The following PARD3 variants were observed in gnomAD, a reference collection of about 807,000 sequenced individuals.
The protein encoded by PARD3 is partitioning defective 3 homolog.
Under a neutral mutation model 155.4 loss-of-function variants are expected in PARD3, and 75 were observed. That is an observed-to-expected ratio of 0.48 (90% CI 0.40 to 0.58). The LOEUF (loss-of-function observed/expected upper bound fraction) is 0.58, where lower values mean the gene tolerates loss of function less well. PARD3 is among the 20% of genes least tolerant of loss of function. The probability of loss-of-function intolerance (pLI) is 0.00; values close to 1 mark genes in which losing one functional copy is unlikely to be tolerated. For synonymous variants in PARD3, 576 were observed against 610.5 expected (o/e 0.94, Z 0.83); for missense variants, 1,642 against 1,721.7 (o/e 0.95, Z 0.82).
At chr10:34,154,108 C>T (rs1388839318) in intron 22 of PARD3, among the ~76,000 whole-genome samples, 1 of 152,114 alleles carries the variant, frequency 6.6e-6, no homozygotes, top group Non-Finnish European at 1.5e-5. Context: ...AAAACTTGTT[C>T]TCCAGTAATG....
chr10:34,214,634 T>C (rs1951912692), intron 22 of PARD3, among the ~76,000 whole-genome samples: 1 of 152,060 alleles, frequency 6.6e-6, no homozygotes, highest in Non-Finnish European at 1.5e-5. Flanking sequence ...CTGGGCAATG[T>C]AGCAAGACTC....
At chr10:34,212,489 C>G (rs574826075) in intron 22 of PARD3, among the ~76,000 whole-genome samples, 16 of 152,312 alleles carry the variant, frequency 1.1e-4, no homozygotes, top group South Asian at 1.0e-3. Flanking sequence ...TCTGAATACT[C>G]TGCTAGGCTA....
At position 34,582,508 on chromosome 10, in the gene PARD3, G is replaced by C. The variant is rs137983856; in HGVS notation, c.223-65349C>G. ...GCCACTTGTCCACAAATCACTTCAG[G>C]TATCGCTTTTATTGGTCTAAATGAA... On this transcript the variant is annotated intron_variant, in intron 2 of 24. Transcript: ENST00000374788. 3.7e-4 allele frequency among the ~76,000 whole-genome samples: 57 copies of C among 152,224 alleles called. No homozygotes were observed. The East Asian group carries it at 8.9e-3, about 24-fold the overall frequency.
intron 5 of PARD3, among the ~76,000 whole-genome samples, chr10:34,445,333 T>C (rs530282019): frequency 6.6e-6 from 1 of 152,364 alleles, no homozygotes; most frequent in South Asian, 2.1e-4. Flanking sequence ...AGAGGGAGTT[T>C]TGTTTTGTTT....
chr10:34,208,218 C>T (rs570853032), intron 22 of PARD3, among the ~76,000 whole-genome samples: 16 of 152,286 alleles, frequency 1.1e-4, no homozygotes, highest in East Asian at 9.7e-4. Flanking sequence ...ATCAGGTTGT[C>T]ATGAACTACT....
intron 2 of PARD3, among the ~76,000 whole-genome samples, chr10:34,665,640 C>T (rs906634285): frequency 2.6e-5 from 4 of 152,150 alleles, no homozygotes; most frequent in Admixed American, 2.6e-4. Flanking sequence ...GGGTTCCAGA[C>T]CAGCCTGGCC....
chr10:34,154,222 G>A (rs1285316000), intron 22 of PARD3, among the ~76,000 whole-genome samples: 9 of 152,248 alleles, frequency 5.9e-5, no homozygotes, highest in South Asian at 4.1e-4. Context: ...CATGTGTATC[G>A]TGGTGAGGAT....
chr10:34,413,447 CTTT>C (rs11284199), intron 5 of PARD3, among the ~76,000 whole-genome samples: 1 of 144,130 alleles, frequency 6.9e-6, no homozygotes, highest in African/African-American at 2.5e-5. Context: ...CCAGCTCTAC[CTTT>C]TTTTTTTTTT....
rs921596433 is a variant in PARD3 at position 34,756,355 on chromosome 10, G to A, written c.120+58521C>T. Among the ~76,000 whole-genome samples the A allele has an allele frequency of 1.0e-4, 15 of 149,634 alleles. No homozygotes were observed. In the South Asian group the frequency reaches 1.3e-3, roughly 13 times the overall value. On this transcript the variant is annotated intron_variant, in intron 1 of 24. Transcript: ENST00000374788. ...TTTTTAGTAGAGACGGGGTTTCAGC[G>A]TGTTAGCCAGGATGGTCTTGATCTC...
At chr10:34,569,468 A>C (rs2086212313) in intron 2 of PARD3, among the ~76,000 whole-genome samples, 1 of 152,174 alleles carries the variant, frequency 6.6e-6, no homozygotes, top group Non-Finnish European at 1.5e-5. Flanking sequence ...CCCAGGCTAG[A>C]GTGCAGTGGC....
chr10:34,173,415 G>A (rs1949893410), intron 22 of PARD3, among the ~76,000 whole-genome samples: 1 of 152,176 alleles, frequency 6.6e-6, no homozygotes, highest in Non-Finnish European at 1.5e-5. Flanking sequence ...AACTTTGGGA[G>A]CTGCATACAA....
chr10:34,434,076 T>A (rs1040292307), intron 5 of PARD3, among the ~76,000 whole-genome samples: 3 of 152,104 alleles, frequency 2.0e-5, no homozygotes, highest in African/African-American at 7.2e-5. Context: ...TGGCTAAGAA[T>A]AATGAGCTGA....
At chr10:34,542,864 T>C (rs774528700) in intron 2 of PARD3, among the ~76,000 whole-genome samples, 2 of 152,236 alleles carry the variant, frequency 1.3e-5, no homozygotes, top group Non-Finnish European at 2.9e-5. Context: ...GATCTACATA[T>C]TGTGAATAAA....
chr10:34,630,350 C>T (rs1159835317), intron 2 of PARD3, among the ~76,000 whole-genome samples: 1 of 152,182 alleles, frequency 6.6e-6, no homozygotes, highest in African/African-American at 2.4e-5. Flanking sequence ...CAGCTTTTCA[C>T]ATCCAGGTTC....
At chr10:34,658,441 A>C (rs1403488186) in intron 2 of PARD3, among the ~76,000 whole-genome samples, 1 of 152,068 alleles carries the variant, frequency 6.6e-6, no homozygotes, top group African/African-American at 2.4e-5. Flanking sequence ...CGCGGAACTG[A>C]GGAAATTCGG....
chr10:34,324,972 T>G (rs567714152), intron 19 of PARD3, among the ~76,000 whole-genome samples: 1 of 152,296 alleles, frequency 6.6e-6, no homozygotes, highest in African/African-American at 2.4e-5. Context: ...ATTATTTTAT[T>G]TGAAATGCAA....
At chr10:34,359,983 T>C in intron 13 of PARD3, 88 bp downstream of exon 13, 2 of 964,010 alleles carry the variant, frequency 2.1e-6, no homozygotes, top group Non-Finnish European at 3.2e-6. Flanking sequence ...AGAAAACTTC[T>C]GTTAACTGTA....
chr10:34,730,911 C>T (rs923002164), intron 1 of PARD3, among the ~76,000 whole-genome samples: 2 of 152,220 alleles, frequency 1.3e-5, no homozygotes, highest in African/African-American at 2.4e-5. Flanking sequence ...AGAACCACAA[C>T]TATTCATTTC....
chr10:34,241,419 C>T lies in PARD3; in HGVS notation c.3419+28238G>A, dbSNP rs570625951. Among the ~76,000 whole-genome samples, 13 of 152,146 alleles carry T rather than the reference C, an allele frequency of 8.5e-5. No individual in the cohort carries two copies. In the East Asian group the frequency reaches 1.2e-3, roughly 14 times the overall value. Reference sequence around the variant, plus strand: ...GTGGAGGGGAGGGTGGTGGGAGACCCGGTGGTCCTGGCGGGCCTCAGCAGC... The same window carrying T: ...GTGGAGGGGAGGGTGGTGGGAGACCTGGTGGTCCTGGCGGGCCTCAGCAGC... On this transcript the variant is annotated intron_variant, in intron 22 of 24. Coordinates refer to ENST00000374788, the MANE Select transcript of PARD3 (RefSeq NM_001184785.2).
Sources: allele counts gnomAD v4.1 joint callset (sites outside exome capture counted in the v4.1 genomes callset), GRCh38; gene constraint gnomAD v4.1.1; transcripts MANE v1.5; gene names NCBI Gene and HGNC (gene_info 2026-07-23, HGNC 2026-07-21).